Variants in SH3RF3 observed in about 807,000 individuals in gnomAD.
SH3RF3 encodes E3 ubiquitin-protein ligase SH3RF3.
A neutral mutation model predicts 66.3 loss-of-function variants in SH3RF3; 29 were observed. That is an observed-to-expected ratio of 0.44 (90% CI 0.33 to 0.60). The LOEUF (loss-of-function observed/expected upper bound fraction) is 0.60. Among genes scored for constraint, SH3RF3 ranks in the 20% least tolerant of loss-of-function variants. The probability of loss-of-function intolerance (pLI) is 0.04; values close to 1 mark genes in which losing one functional copy is unlikely to be tolerated. For synonymous variants in SH3RF3, 583 were observed against 532.0 expected (o/e 1.10, Z -1.32); for missense variants, 1,194 against 1,190.9 (o/e 1.00, Z -0.04).
intron 8 of SH3RF3, among the ~76,000 whole-genome samples, chr2:109,460,994 C>G (rs1456401986): frequency 2.0e-5 from 3 of 152,216 alleles, no homozygotes; most frequent in Non-Finnish European, 4.4e-5. Context: ...AGGCTCAAGT[C>G]TTATCTTCCT....
chr2:109,279,852 G>A (rs912033093), intron 1 of SH3RF3, among the ~76,000 whole-genome samples: 3 of 152,120 alleles, frequency 2.0e-5, no homozygotes, highest in Non-Finnish European at 4.4e-5. Context: ...GGCCTGCCCT[G>A]TAGCGAGGCT....
Position 109,452,974 on chromosome 2 carries a change from C to T in SH3RF3, c.2148+3485C>T, listed in dbSNP as rs959604365. ...AGGCTGGTCCCTGGGAGGCTGGTCC[C>T]TGGGAGGCTATTCCCGGGAGGCTGG... On this transcript the variant is annotated intron_variant, in intron 8 of 9. Coordinates refer to ENST00000309415, the MANE Select transcript of SH3RF3 (RefSeq NM_001099289.3). Among the ~76,000 whole-genome samples, 8 of 150,650 alleles carry T rather than the reference C, an allele frequency of 5.3e-5. No individual in the cohort carries two copies. The South Asian group carries it at 1.7e-3, about 32-fold the overall frequency.
chr2:109,446,258 G>A (rs1438364552), intron 7 of SH3RF3, among the ~76,000 whole-genome samples: 5 of 152,194 alleles, frequency 3.3e-5, no homozygotes, highest in African/African-American at 1.2e-4. Context: ...AATCGGAAGT[G>A]ACATGGCTGG....
At chr2:109,413,200 C>G (rs1444424905) in intron 4 of SH3RF3, among the ~76,000 whole-genome samples, 1 of 152,174 alleles carries the variant, frequency 6.6e-6, no homozygotes, top group Non-Finnish European at 1.5e-5. Context: ...CTGCAACCTC[C>G]GCCTCATGGG....
At chr2:109,305,386 C>T (rs755497493) in intron 1 of SH3RF3, among the ~76,000 whole-genome samples, 7 of 152,028 alleles carry the variant, frequency 4.6e-5, no homozygotes, top group Admixed American at 1.3e-4. Context: ...ACAGGTGTCT[C>T]GGGGCAATCA....
At chr2:109,296,862 C>T (rs1681323225) in intron 1 of SH3RF3, among the ~76,000 whole-genome samples, 3 of 152,186 alleles carry the variant, frequency 2.0e-5, no homozygotes, top group Admixed American at 2.0e-4. Flanking sequence ...CTCCTGACAG[C>T]ACTGCTATAG....
At chr2:109,191,170 A>G (rs930332978) in intron 1 of SH3RF3, among the ~76,000 whole-genome samples, 2 of 152,134 alleles carry the variant, frequency 1.3e-5, no homozygotes, top group Middle Eastern at 3.2e-3. Context: ...CGTGCTATCA[A>G]CCGGGTAGGA....
intron 9 of SH3RF3, among the ~76,000 whole-genome samples, chr2:109,497,163 A>G (rs941373176): frequency 8.5e-5 from 13 of 152,226 alleles, no homozygotes; most frequent in African/African-American, 3.1e-4. Flanking sequence ...CATTCGTTAT[A>G]GCCATAAACA....
At chr2:109,478,356 C>T (rs977647577) in intron 8 of SH3RF3, among the ~76,000 whole-genome samples, 6 of 152,198 alleles carry the variant, frequency 3.9e-5, no homozygotes, top group Non-Finnish European at 8.8e-5. Context: ...AATCCTTCTC[C>T]CTCAATTCCC....
chr2:109,393,128 A>G (rs954206177), intron 3 of SH3RF3, among the ~76,000 whole-genome samples: 2 of 152,236 alleles, frequency 1.3e-5, no homozygotes, highest in Non-Finnish European at 2.9e-5. Context: ...GGCAAAGGCC[A>G]TTCTTCATCT....
intron 8 of SH3RF3, among the ~76,000 whole-genome samples, chr2:109,484,766 C>T (rs1364975619): frequency 5.9e-5 from 9 of 152,222 alleles, no homozygotes; most frequent in Non-Finnish European, 1.3e-4. Context: ...TCTGACCCTG[C>T]CTGCCCTGAG....
chr2:109,402,276 C>A lies in SH3RF3; in HGVS notation c.1299+3333C>A, dbSNP rs114074934. ...GAGGACTGGCCCATGGCAGCCAAGG[C>A]GAGCCAGACTCAGGTCCTGCTGTGA... On this transcript the variant is annotated intron_variant, in intron 4 of 9. Transcript: ENST00000309415. Among the ~76,000 whole-genome samples the A allele has an allele frequency of 2.6e-5, 4 of 152,380 alleles. No individual in the cohort carries two copies. In the East Asian group the frequency reaches 5.8e-4, roughly 22 times the overall value.
intron 1 of SH3RF3, among the ~76,000 whole-genome samples, chr2:109,206,446 G>A (rs537888427): frequency 4.8e-4 from 67 of 139,114 alleles, no homozygotes; most frequent in South Asian, 1.8e-3. Context: ...AACCAACATC[G>A]TGCCACCGCA....
chr2:109,149,742 T>C (rs1449710050), intron 1 of SH3RF3, among the ~76,000 whole-genome samples: 2 of 152,252 alleles, frequency 1.3e-5, no homozygotes, highest in Non-Finnish European at 2.9e-5. Flanking sequence ...ATGGGGGCTC[T>C]ATCAAGACGT....
chr2:109,175,534 G>A (rs563015693), intron 1 of SH3RF3, among the ~76,000 whole-genome samples: 1 of 152,330 alleles, frequency 6.6e-6, no homozygotes, highest in Non-Finnish European at 1.5e-5. Flanking sequence ...TGAGCTCATG[G>A]CTCCCCTGAA....
At chr2:109,194,115 G>A (rs747231603) in intron 1 of SH3RF3, among the ~76,000 whole-genome samples, 6 of 152,252 alleles carry the variant, frequency 3.9e-5, no homozygotes, top group Admixed American at 6.5e-5. Flanking sequence ...CTGGATGCAT[G>A]GGCAGTTGCT....
At chr2:109,157,335 A>G (rs929710311) in intron 1 of SH3RF3, among the ~76,000 whole-genome samples, 8 of 152,348 alleles carry the variant, frequency 5.3e-5, no homozygotes, top group Admixed American at 3.3e-4. Context: ...TTAAAATTCA[A>G]TATTGCATTA....
intron 1 of SH3RF3, among the ~76,000 whole-genome samples, chr2:109,161,940 G>A: frequency 6.6e-6 from 1 of 152,024 alleles, no homozygotes; most frequent in East Asian, 1.9e-4. Context: ...CCTGGGGAGG[G>A]GAGGGTTGGG....
At chr2:109,365,508 G>A (rs1348601476) in intron 2 of SH3RF3, among the ~76,000 whole-genome samples, 2 of 152,132 alleles carry the variant, frequency 1.3e-5, no homozygotes, top group Non-Finnish European at 2.9e-5. Flanking sequence ...TTTTCAGTTT[G>A]TTCAGCTTTT....
Sources: gnomAD v4.1 joint callset for allele counts (sites outside exome capture counted in the v4.1 genomes callset) on GRCh38, gnomAD v4.1.1 for gene constraint, MANE v1.5 for transcripts, NCBI Gene and HGNC (gene_info 2026-07-23, HGNC 2026-07-21) for gene names.